POTEC: variants seen among roughly 807,000 people sequenced by gnomAD.
POTEC encodes the protein POTE ankyrin domain family member C, also known as ANKRD26-like family B member 2.
A neutral mutation model predicts 62.0 loss-of-function variants in POTEC; 35 were observed. The observed-to-expected ratio is 0.56, with a 90% confidence interval of 0.43 to 0.75. The LOEUF (loss-of-function observed/expected upper bound fraction) is 0.75, where lower values mean the gene tolerates loss of function less well. POTEC is among the 30% of genes least tolerant of loss of function. The pLI is 0.00. For synonymous variants in POTEC, 156 were observed against 221.5 expected (o/e 0.70, Z 2.62); for missense variants, 472 against 655.9 (o/e 0.72, Z 3.06).
rs769558765 is a variant in POTEC at position 14,537,898 on chromosome 18, T to A, written c.713A>T (p.Tyr238Phe). Residue 238 changes from tyrosine (Y) to phenylalanine (F), a missense_variant, in exon 3 of 11, where the codon TAT becomes TTT. Physicochemically the swap from Tyr to Phe is conservative, Grantham distance 22. Coordinates refer to ENST00000358970, the MANE Select transcript of POTEC (RefSeq NM_001137671.2). The stretch of plus-strand genomic sequence containing the variant: ...AGCATAGTGTAGAGTGGTATTTCCA[T>A]ACTCATCTGGAATATTTTGATCAGC... ...HGADQNIPDE[Y>F]GNTTLHYAVH... is the part of the protein sequence containing the mutation. The A allele has an allele frequency of 6.2e-7, 1 of 1,612,546 alleles. No individual in the cohort carries two copies. Among genetic ancestry groups the A allele is most frequent in the South Asian group, 1.1e-5 (1 of 91,002 alleles).
Position 14,533,175 on chromosome 18 carries a change from C to T in POTEC, c.941G>A (p.Cys314Tyr). 6.2e-7 allele frequency: 1 copy of T among 1,611,318 alleles called. No individual in the cohort carries two copies. The highest frequency in any genetic ancestry group is 8.5e-7 in the Non-Finnish European group (1 of 1,179,480). ...ATTGACTATACTTGCTGATCCACAA[C>T]ATACAGCAAGTATGAGGGCAGTTCT... ...YGRTALILAV[C>Y]CGSASIVNLL... Residue 314 changes from cysteine (C) to tyrosine (Y), a missense_variant, in exon 5 of 11, where the codon TGT (cysteine) becomes TAT (tyrosine). Physicochemically the swap from Cys to Tyr is radical, Grantham distance 194. Around this residue, in one of 5 missense-constraint regions of POTEC, gnomAD observed 83 missense variants for 254.3 expected, o/e 0.33. Transcript: ENST00000358970.
intron 6 of POTEC, among the ~76,000 whole-genome samples, chr18:14,529,876 C>A (rs946879215): frequency 4.3e-4 from 65 of 152,124 alleles, no homozygotes; most frequent in African/African-American, 1.5e-3. Flanking sequence ...CTTTTGTGAT[C>A]AAAAATTCCT....
In POTEC at chr18:14,510,268, T is replaced by A. The variant is rs566431248; in HGVS notation, c.*1630A>T. 1.3e-5 allele frequency: 2 copies of A among 152,326 alleles called. No individual in the cohort carries two copies. The highest frequency in any genetic ancestry group is 3.9e-4 in the East Asian group (2 of 5,166). The allele number at this position is 152,326 out of a possible 1,614,324, so 9.4% of individuals were successfully genotyped here. A position where few individuals can be genotyped will look rare whatever the true frequency, so the allele number is the denominator to read the frequency against. On this transcript the variant is annotated 3_prime_UTR_variant, in exon 11 of 11. Coordinates refer to ENST00000358970, the MANE Select transcript of POTEC (RefSeq NM_001137671.2). The stretch of plus-strand genomic sequence containing the variant: ...CTGCAGCTTGTTGGAGGTGTCAATA[T>A]GGCACTTAGGGTCTTTGCTCCCTTG...
At chr18:14,537,232 AAAAC>A (rs1170553286) in intron 3 of POTEC, among the ~76,000 whole-genome samples, 1 of 148,738 alleles carries the variant, frequency 6.7e-6, no homozygotes, top group African/African-American at 2.5e-5. Flanking sequence ...AAAACAAAAA[AAAAC>A]CTCTTCATGG....
intron 3 of POTEC, among the ~76,000 whole-genome samples, chr18:14,535,260 C>T (rs1203892301): frequency 9.6e-5 from 14 of 146,010 alleles, no homozygotes; most frequent in East Asian, 6.9e-4. Context: ...TGTTTCTAAA[C>T]GAGCATTTGG....
intron 10 of POTEC, 50 bp from the exon 11 acceptor site, chr18:14,512,043 CATG>C: frequency 1.5e-6 from 2 of 1,361,278 alleles, no homozygotes; most frequent in Non-Finnish European, 2.1e-6. Context: ...AATGACATAT[CATG>C]ATTTCTTCTA....
rs572069943 is a variant in POTEC, at chr18:14,538,396, C to A, written c.522-147G>T. 1,095 of 631,058 alleles carry A rather than the reference C, an allele frequency of 1.7e-3. 4 individuals are homozygous for A. The highest frequency in any genetic ancestry group is 2.5e-3 in the Non-Finnish European group (869 of 354,244). The allele number at this position is 631,058 out of a possible 1,614,324, so 39.1% of individuals were successfully genotyped here. A position where few individuals can be genotyped will look rare whatever the true frequency, so the allele number is the denominator to read the frequency against. ...TTTGAAGAAAGCACACTACTTATTA[C>A]CTCTCATTACTCACTGTATTAATGA... On this transcript the variant is annotated intron_variant, in intron 1 of 10. Transcript: ENST00000358970.
At chr18:14,538,517 G>A (rs1038363015) in intron 1 of POTEC, among the ~76,000 whole-genome samples, 33 of 151,994 alleles carry the variant, frequency 2.2e-4, no homozygotes, top group African/African-American at 7.0e-4. Flanking sequence ...CCTAGCTGTT[G>A]CTTAGCCTTT....
At chr18:14,541,447 C>T (rs1314532356) in intron 1 of POTEC, among the ~76,000 whole-genome samples, 2 of 152,072 alleles carry the variant, frequency 1.3e-5, no homozygotes, top group Admixed American at 6.6e-5. Flanking sequence ...AGTTCAAGAC[C>T]AGCCTGGCAA....
intron 1 of POTEC, among the ~76,000 whole-genome samples, chr18:14,538,994 T>C (rs534055498): frequency 1.8e-3 from 272 of 152,270 alleles, no homozygotes; most frequent in African/African-American, 6.4e-3. Flanking sequence ...GACTAGCATT[T>C]AGATAAATTT....
At chr18:14,514,107 A>C in intron 9 of POTEC, among the ~76,000 whole-genome samples, 1 of 151,752 alleles carries the variant, frequency 6.6e-6, no homozygotes, top group South Asian at 2.1e-4. Context: ...ATCATGTAGA[A>C]TCAGTGGGAG....
In POTEC at chr18:14,543,044, A is replaced by G. The variant is rs1329789359; in HGVS notation, c.103T>C (p.Cys35Arg). 1 of 1,606,172 alleles carries G rather than the reference A, an allele frequency of 6.2e-7. No homozygotes were observed. Among genetic ancestry groups the G allele is most frequent in the Admixed American group, 1.7e-5 (1 of 59,316 alleles). ...GKWFHHRFPC[C>R]KGSGKSNMGT... ...ATGTTGCTCTTGCCGCTCCCCTTGC[A>G]GCAGGGGAAGCGGTGGTGAAACCAC... The change falls in exon 1 of 11, where the codon TGC becomes CGC. Residue 35 changes from cysteine to arginine, a missense_variant. This residue lies in a region of POTEC where 257 missense variants were observed against 250.7 expected (regional missense o/e 1.03). Coordinates refer to ENST00000358970, the MANE Select transcript of POTEC (RefSeq NM_001137671.2).
intron 3 of POTEC, among the ~76,000 whole-genome samples, chr18:14,535,915 A>T (rs984265837): frequency 6.6e-6 from 1 of 152,092 alleles, no homozygotes; most frequent in African/African-American, 2.4e-5. Context: ...AAAAGCTATT[A>T]TTCTGTAAGC....
chr18:14,538,977 G>A (rs1905841944), intron 1 of POTEC, among the ~76,000 whole-genome samples: 1 of 152,148 alleles, frequency 6.6e-6, no homozygotes, highest in African/African-American at 2.4e-5. Context: ...GGCAGTTCCA[G>A]TCAGATGACT....
rs1366266786 is a variant in POTEC, at chr18:14,507,792, G to A, written c.*4106C>T. ...GGTCTGGTGATAACGAATTCCCTCAGCATTTGCTTGTCTGAAAACGATCTT... is the reference window on the plus strand; with the variant it reads ...GGTCTGGTGATAACGAATTCCCTCAACATTTGCTTGTCTGAAAACGATCTT... On this transcript the variant is annotated 3_prime_UTR_variant, in exon 11 of 11. Coordinates refer to ENST00000358970, the MANE Select transcript of POTEC (RefSeq NM_001137671.2). The A allele has an allele frequency of 2.6e-5, 4 of 152,166 alleles. No individual in the cohort carries two copies. Among genetic ancestry groups the A allele is most frequent in the Non-Finnish European group, 5.9e-5 (4 of 68,038 alleles). 9.4% of individuals were successfully genotyped at this position (152,166 alleles called of 1,614,324 possible).
chr18:14,512,880 A>G (rs7234003), intron 10 of POTEC, among the ~76,000 whole-genome samples: 147,414 of 151,996 alleles, frequency 0.97, 71,866 homozygotes, highest in Middle Eastern at 1. Context: ...TTGCTTCTGT[A>G]GTGTAAATAT....
chr18:14,513,921 A>G, intron 9 of POTEC, 136 bp from the exon 10 acceptor site: 1 of 1,515,522 alleles, frequency 6.6e-7, no homozygotes, highest in African/African-American at 1.4e-5. Context: ...GGGGTCTCAC[A>G]TCTGTTAACC....
At chr18:14,515,283 A>G (rs1323162425) in intron 9 of POTEC, among the ~76,000 whole-genome samples, 4 of 152,220 alleles carry the variant, frequency 2.6e-5, no homozygotes, top group Admixed American at 1.3e-4. Flanking sequence ...TTGGCATCAC[A>G]TTACCTGACT....
At chr18:14,532,664 T>C (rs537980935) in intron 5 of POTEC, among the ~76,000 whole-genome samples, 3 of 152,168 alleles carry the variant, frequency 2.0e-5, no homozygotes, top group Admixed American at 2.0e-4. Flanking sequence ...TCTTGAAAAA[T>C]TCAAGGAGTA....
Sources: allele counts gnomAD v4.1 joint callset (sites outside exome capture counted in the v4.1 genomes callset), GRCh38; gene constraint gnomAD v4.1.1; regional missense constraint gnomAD v4.1.1; transcripts MANE v1.5; gene names NCBI Gene and HGNC (gene_info 2026-07-23, HGNC 2026-07-21).